GPC6: variants seen among roughly 807,000 people sequenced by gnomAD.
GPC6 encodes glypican-6.
Under a neutral mutation model 55.2 loss-of-function variants are expected in GPC6, and 14 were observed. That is an observed-to-expected ratio of 0.25 (90% CI 0.17 to 0.40). The LOEUF is 0.40. GPC6 is among the 10% of genes least tolerant of loss of function. GPC6 has a pLI of 1.00. For synonymous variants in GPC6, 278 were observed against 259.6 expected (o/e 1.07, Z -0.68); for missense variants, 641 against 708.5 (o/e 0.90, Z 1.08).
At chr13:93,462,688 T>A (rs1878739858) in intron 1 of GPC6, among the ~76,000 whole-genome samples, 1 of 147,244 alleles carries the variant, frequency 6.8e-6, no homozygotes. Context: ...AACATATAAA[T>A]GAAAGAGCAA....
At chr13:93,604,435 A>C (rs1438109806) in intron 2 of GPC6, among the ~76,000 whole-genome samples, 1 of 152,198 alleles carries the variant, frequency 6.6e-6, no homozygotes, top group East Asian at 1.9e-4. Context: ...AAATCTAGGT[A>C]TAGACTTACA....
chr13:94,144,839 C>T (rs1158463595), intron 4 of GPC6, among the ~76,000 whole-genome samples: 1 of 151,982 alleles, frequency 6.6e-6, no homozygotes, highest in Non-Finnish European at 1.5e-5. Context: ...AAATATGGAG[C>T]AGAGCATTAG....
At chr13:93,835,442 C>T (rs1887696511) in intron 3 of GPC6, among the ~76,000 whole-genome samples, 2 of 152,100 alleles carry the variant, frequency 1.3e-5, no homozygotes, top group East Asian at 1.9e-4. Context: ...GCAACAGAGC[C>T]AGACCCTGTC....
At chr13:93,726,202 G>A (rs924584368) in intron 2 of GPC6, among the ~76,000 whole-genome samples, 9 of 149,160 alleles carry the variant, frequency 6.0e-5, no homozygotes, top group Non-Finnish European at 1.3e-4. Context: ...CTTCTTGGTG[G>A]CACTGTTTGA....
At chr13:94,198,033 A>C (rs1002395427) in intron 4 of GPC6, among the ~76,000 whole-genome samples, 1 of 152,240 alleles carries the variant, frequency 6.6e-6, no homozygotes, top group Admixed American at 6.5e-5. Flanking sequence ...AACCATTGTT[A>C]TATAGCATGA....
chr13:94,222,693 A>G (rs995377189), intron 4 of GPC6, among the ~76,000 whole-genome samples: 4 of 152,140 alleles, frequency 2.6e-5, no homozygotes, highest in Non-Finnish European at 4.4e-5. Flanking sequence ...TAACTAGACT[A>G]TGAATTAAAA....
intron 2 of GPC6, among the ~76,000 whole-genome samples, chr13:93,756,521 CT>C (rs1884776082): frequency 6.6e-6 from 1 of 152,114 alleles, no homozygotes; most frequent in African/African-American, 2.4e-5. Flanking sequence ...TATTCAAGGA[CT>C]ACTTTTAATT....
intron 1 of GPC6, among the ~76,000 whole-genome samples, chr13:93,339,619 A>T (rs1215044852): frequency 6.6e-6 from 1 of 152,188 alleles, no homozygotes; most frequent in Non-Finnish European, 1.5e-5. Flanking sequence ...GGGTGGAATG[A>T]ATTTTAGTGC....
intron 4 of GPC6, among the ~76,000 whole-genome samples, chr13:94,057,495 G>A (rs907223191): frequency 3.9e-5 from 6 of 152,118 alleles, no homozygotes; most frequent in Admixed American, 6.6e-5. Flanking sequence ...GTTTAAAATG[G>A]TAAGTAGCAT....
intron 1 of GPC6, among the ~76,000 whole-genome samples, chr13:93,480,187 A>AT (rs1225531964): frequency 6.6e-6 from 1 of 152,188 alleles, no homozygotes; most frequent in African/African-American, 2.4e-5. Context: ...ACTAATCAAC[A>AT]TTTTAAACTG....
chr13:93,556,814 T>C (rs2139452374), intron 2 of GPC6, among the ~76,000 whole-genome samples: 1 of 152,270 alleles, frequency 6.6e-6, no homozygotes, highest in African/African-American at 2.4e-5. Flanking sequence ...TGTTTGTCTT[T>C]CTGCGCCTGG....
chr13:93,693,461 C>CTG (rs35459356), intron 2 of GPC6, among the ~76,000 whole-genome samples: 3,596 of 139,332 alleles, frequency 0.026, 57 homozygotes, highest in African/African-American at 0.041. Context: ...GTATGTATAT[C>CTG]TGTGTGTGTG....
intron 4 of GPC6, among the ~76,000 whole-genome samples, chr13:94,036,730 C>G (rs187253235): frequency 6.6e-6 from 1 of 151,994 alleles, no homozygotes; most frequent in African/African-American, 2.4e-5. Flanking sequence ...CAGTGACCCT[C>G]TCCTACCTCA....
At chr13:93,370,507 A>T (rs950409676) in intron 1 of GPC6, among the ~76,000 whole-genome samples, 1 of 152,154 alleles carries the variant, frequency 6.6e-6, no homozygotes, top group East Asian at 1.9e-4. Context: ...ATCCAACTCA[A>T]TAAGGATGTT....
chr13:93,458,952 T>A (rs1259407949), intron 1 of GPC6, among the ~76,000 whole-genome samples: 1 of 152,250 alleles, frequency 6.6e-6, no homozygotes, highest in Non-Finnish European at 1.5e-5. Flanking sequence ...AAATGATTCT[T>A]TCCTAAATTA....
intron 1 of GPC6, among the ~76,000 whole-genome samples, chr13:93,487,836 G>A (rs1879787852): frequency 1.3e-5 from 2 of 152,134 alleles, no homozygotes; most frequent in African/African-American, 4.8e-5. Context: ...TTTTGAATCT[G>A]TTTTATTTAC....
At chr13:93,368,998 A>G (rs1881360614) in intron 1 of GPC6, among the ~76,000 whole-genome samples, 2 of 151,994 alleles carry the variant, frequency 1.3e-5, no homozygotes, top group Admixed American at 6.6e-5. Context: ...CTTCACTGGC[A>G]CCATAAAAGG....
intron 2 of GPC6, among the ~76,000 whole-genome samples, chr13:93,759,757 C>G (rs1018715401): frequency 6.6e-6 from 1 of 152,084 alleles, no homozygotes; most frequent in Non-Finnish European, 1.5e-5. Flanking sequence ...ATCAGTGAGA[C>G]AAGTTCAAAC....
At chr13:93,502,545 T>A (rs1036980309) in intron 1 of GPC6, among the ~76,000 whole-genome samples, 1 of 152,260 alleles carries the variant, frequency 6.6e-6, no homozygotes, top group South Asian at 2.1e-4. Flanking sequence ...ATTACCAAGA[T>A]GTGTTGGAAC....
Sources: gnomAD v4.1 joint callset for allele counts (sites outside exome capture counted in the v4.1 genomes callset) on GRCh38, gnomAD v4.1.1 for gene constraint, MANE v1.5 for transcripts, NCBI Gene and HGNC (gene_info 2026-07-23, HGNC 2026-07-21) for gene names.